The following PDZD2 variants were observed in gnomAD, a reference collection of about 807,000 sequenced individuals.
PDZD2 encodes the protein PDZ domain containing 2, also known as PDZ domain-containing protein 2.
PDZD2 carries 90 observed loss-of-function variants against 220.7 expected under a neutral mutation model. That is an observed-to-expected ratio of 0.41 (90% CI 0.34 to 0.49). The LOEUF is 0.49. Ranked by LOEUF, PDZD2 falls within the 20% of genes least tolerant of loss-of-function variation. The probability of loss-of-function intolerance (pLI) is 0.28; values close to 1 mark genes in which losing one functional copy is unlikely to be tolerated. For synonymous variants in PDZD2, 1,375 were observed against 1,450.5 expected (o/e 0.95, Z 1.18); for missense variants, 3,174 against 3,608.5 (o/e 0.88, Z 3.08).
chr5:31,951,129 C>T (rs1747141240), intron 2 of PDZD2, among the ~76,000 whole-genome samples: 1 of 152,104 alleles, frequency 6.6e-6, no homozygotes, highest in Non-Finnish European at 1.5e-5. Context: ...AGCAGTGGCG[C>T]CATCACAGCT....
At chr5:31,677,895 G>T (rs915833309) in intron 1 of PDZD2, among the ~76,000 whole-genome samples, 1 of 152,070 alleles carries the variant, frequency 6.6e-6, no homozygotes, top group African/African-American at 2.4e-5. Context: ...AGAGGAGGAA[G>T]GGGGGAGGAC....
chr5:32,037,129 T>C, intron 6 of PDZD2, 102 bp from the exon 7 acceptor site: 1 of 714,366 alleles, frequency 1.4e-6, no homozygotes, highest in Non-Finnish European at 2.4e-6. Flanking sequence ...ATAACACCTG[T>C]ATTGCTGCTC....
In PDZD2 at chr5:32,098,181, C is replaced by G. The variant is rs145039517; in HGVS notation, c.7948-183C>G. On this transcript the variant is annotated intron_variant, in intron 22 of 24. Transcript: ENST00000438447. This position sits in a 1 kb window ranked among gnomAD's most constrained non-coding sequence, Gnocchi z 4.1. ...GCTGAGGCAGGAGAATCGCTTGAAC[C>G]CGGGAGGCTGAGATTGCACCACTGT... Among the ~76,000 whole-genome samples the G allele has an allele frequency of 8.2e-3, 1,255 of 152,244 alleles. 29 individuals are homozygous for G. Among genetic ancestry groups the G allele is most frequent in the African/African-American group, 0.029 (1,205 of 41,540 alleles).
At chr5:32,050,444 T>C (rs1738422487) in intron 8 of PDZD2, among the ~76,000 whole-genome samples, 1 of 152,094 alleles carries the variant, frequency 6.6e-6, no homozygotes, top group Admixed American at 6.5e-5. Context: ...AAGAAAACTG[T>C]CCTTTCTTTT....
intron 21 of PDZD2, among the ~76,000 whole-genome samples, chr5:32,094,703 A>C (rs1743478923): frequency 1.3e-5 from 2 of 151,900 alleles, no homozygotes; most frequent in Non-Finnish European, 2.9e-5. Context: ...CTCTCAAAAA[A>C]AAAAAAAAAA....
In PDZD2 at chr5:31,845,926, A is replaced by AT. The variant is rs201670478; in HGVS notation, c.476+46203dup. On this transcript the variant is annotated intron_variant, in intron 2 of 24. Transcript: ENST00000438447. ...GAGTTTAGAATCTATATTGTAAATA[A>AT]TGGCAGCTTTTGAATCAAGACCTGC... Among the ~76,000 whole-genome samples, 34 of 152,316 alleles carry AT rather than the reference A, an allele frequency of 2.2e-4. No homozygotes were observed. In the East Asian group the frequency reaches 5.8e-3, roughly 26 times the overall value.
intron 4 of PDZD2, among the ~76,000 whole-genome samples, chr5:31,996,965 G>A (rs561264945): frequency 6.6e-6 from 1 of 152,324 alleles, no homozygotes; most frequent in East Asian, 1.9e-4. Flanking sequence ...GCTAGAGCAT[G>A]TGCAAAACAG....
At chr5:31,791,918 C>G (rs1000640461) in intron 1 of PDZD2, among the ~76,000 whole-genome samples, 1 of 152,156 alleles carries the variant, frequency 6.6e-6, no homozygotes, top group South Asian at 2.1e-4. Context: ...ATTGGTTGGA[C>G]TGGTAAAAAT....
intron 1 of PDZD2, among the ~76,000 whole-genome samples, chr5:31,768,293 C>T (rs1453802841): frequency 3.3e-5 from 5 of 152,044 alleles, no homozygotes; most frequent in African/African-American, 9.7e-5. Flanking sequence ...AGGGACAGGG[C>T]GATATTCTGG....
At chr5:31,701,801 C>T (rs1355529947) in intron 1 of PDZD2, among the ~76,000 whole-genome samples, 1 of 152,160 alleles carries the variant, frequency 6.6e-6, no homozygotes, top group Non-Finnish European at 1.5e-5. Flanking sequence ...GTGCAGGCGC[C>T]GACACACGAG....
At chr5:31,753,673 G>A (rs372401923) in intron 1 of PDZD2, among the ~76,000 whole-genome samples, 2 of 152,178 alleles carry the variant, frequency 1.3e-5, no homozygotes. Flanking sequence ...CAGTATTGCT[G>A]GATAATAGAT....
intron 1 of PDZD2, among the ~76,000 whole-genome samples, chr5:31,641,547 A>AT (rs10627930): frequency 0.013 from 1,958 of 145,346 alleles, 37 homozygotes; most frequent in African/African-American, 0.044. Flanking sequence ...TGTGTGAGAT[A>AT]TTTTTTTTTT....
At chr5:31,881,330 G>A (rs1397992310) in intron 2 of PDZD2, among the ~76,000 whole-genome samples, 42 of 54,258 alleles carry the variant, frequency 7.7e-4, no homozygotes, top group African/African-American at 1.8e-3. Flanking sequence ...ATATATATGT[G>A]TGTGTGTGTG....
At chr5:31,893,635 C>T (rs1349564100) in intron 2 of PDZD2, among the ~76,000 whole-genome samples, 6 of 152,056 alleles carry the variant, frequency 3.9e-5, no homozygotes, top group East Asian at 1.9e-4. Flanking sequence ...AGAGATTTTC[C>T]GGTGGAATAA....
At chr5:32,069,263 CAAA>C (rs11361686) in intron 14 of PDZD2, among the ~76,000 whole-genome samples, 1,489 of 99,306 alleles carry the variant, frequency 0.015, 27 homozygotes, top group African/African-American at 0.049. Flanking sequence ...GACTCTGTCT[CAAA>C]AAAAAAAAAA....
In PDZD2 at chr5:32,088,614, C is replaced by T. The variant is rs2112469649; in HGVS notation, c.5166C>T (p.Pro1722=). The T allele has an allele frequency of 1.9e-6, 3 of 1,614,160 alleles. No homozygotes were observed. Among genetic ancestry groups the T allele is most frequent in the South Asian group, 1.1e-5 (1 of 91,082 alleles). The change falls in exon 20 of 25, where the codon CCC becomes CCT. Residue 1722 remains proline (P), a synonymous_variant. Transcript: ENST00000438447. The surrounding 1 kb of genome is among the most constrained non-coding windows in gnomAD (Gnocchi z 4.6). ...TAGCCAGGCATTTTCACAGTCCGCC[C>T]ATCATTCTCAGCTCCCCCAACATGG... ...SKVARHFHSP[P]IILSSPNMVN...
chr5:32,081,476 C>T (rs1161377639), intron 19 of PDZD2, among the ~76,000 whole-genome samples: 1 of 152,184 alleles, frequency 6.6e-6, no homozygotes, highest in Non-Finnish European at 1.5e-5. Flanking sequence ...GTTGCAGTGA[C>T]ACACTGGCAC....
intron 2 of PDZD2, among the ~76,000 whole-genome samples, chr5:31,911,235 T>C (rs1743176209): frequency 6.6e-6 from 1 of 152,242 alleles, no homozygotes; most frequent in South Asian, 2.1e-4. Context: ...CTAGGCACTG[T>C]ACTAGGCTGT....
At chr5:31,977,944 A>G (rs1411728975) in intron 2 of PDZD2, among the ~76,000 whole-genome samples, 1 of 152,208 alleles carries the variant, frequency 6.6e-6, no homozygotes, top group African/African-American at 2.4e-5. Flanking sequence ...ACTGCACTCC[A>G]GCCTGGGCAA....
Sources: gnomAD v4.1 joint callset for allele counts (sites outside exome capture counted in the v4.1 genomes callset) on GRCh38, gnomAD v4.1.1 for gene constraint, Gnocchi (gnomAD v3.1) non-coding constraint, MANE v1.5 for transcripts, NCBI Gene and HGNC (gene_info 2026-07-23, HGNC 2026-07-21) for gene names.